The following ANKRD16 variants were observed in gnomAD, a reference collection of about 807,000 sequenced individuals.
The protein encoded by ANKRD16 is ankyrin repeat domain 16, also known as ankyrin repeat domain-containing protein 16.
ANKRD16 carries 35 observed loss-of-function variants against 37.9 expected under a neutral mutation model. That is an observed-to-expected ratio of 0.92 (90% confidence interval 0.71 to 1.23). The LOEUF (loss-of-function observed/expected upper bound fraction) is 1.23, where lower values mean the gene tolerates loss of function less well. Among genes scored for constraint, ANKRD16 ranks in the 50% most tolerant of loss-of-function variants. ANKRD16 has a pLI of 0.00. For synonymous variants in ANKRD16, 206 were observed against 197.2 expected (o/e 1.04, Z -0.37); for missense variants, 480 against 469.9 (o/e 1.02, Z -0.20).
chr10:5,877,074 G>A (rs532072647), intron 7 of ANKRD16, among the ~76,000 whole-genome samples: 1 of 152,056 alleles, frequency 6.6e-6, no homozygotes, highest in South Asian at 2.1e-4. Flanking sequence ...TTAAACTCAG[G>A]TTAACAGAAG....
intron 7 of ANKRD16, among the ~76,000 whole-genome samples, chr10:5,872,906 G>A (rs1260908307): frequency 6.6e-6 from 1 of 151,754 alleles, no homozygotes; most frequent in Admixed American, 6.6e-5. Context: ...TGTCACCCAG[G>A]CTGGAGTGCA....
rs887769577 is a variant in ANKRD16, at chr10:5,870,361, G to A, written c.*34-7670C>T. Among the ~76,000 whole-genome samples, 3 of 150,932 alleles carry A rather than the reference G, an allele frequency of 2.0e-5. No homozygotes were observed. Among genetic ancestry groups the A allele is most frequent in the Non-Finnish European group, 2.9e-5 (2 of 67,856 alleles). ...TTGGCTCTTGGCCTCTCTTCCCTGC[G>A]ACTCTGCCCGGGCACCAGCCAGTCC... On this transcript the variant is annotated intron_variant, in intron 7 of 7. Coordinates refer to ENST00000380094, the MANE Select transcript of ANKRD16 (RefSeq NM_019046.3). This position sits in a 1 kb window ranked among gnomAD's most constrained non-coding sequence, Gnocchi z 5.0.
At chr10:5,867,207 A>C (rs1206890435) in intron 7 of ANKRD16, among the ~76,000 whole-genome samples, 1 of 152,238 alleles carries the variant, frequency 6.6e-6, no homozygotes, top group Non-Finnish European at 1.5e-5. Flanking sequence ...AAAAATCCTT[A>C]ACCCAGCAGG....
chr10:5,863,074 C>T lies in ANKRD16; in HGVS notation c.*34-383G>A, dbSNP rs1240623084. On this transcript the variant is annotated intron_variant, in intron 7 of 7. Coordinates refer to ENST00000380094, the MANE Select transcript of ANKRD16 (RefSeq NM_019046.3). This position sits in a 1 kb window ranked among gnomAD's most constrained non-coding sequence, Gnocchi z 4.7. ...GGACCCTCAGCTGCTGCTATACAGC[C>T]AGTGATCCTGCCACGTCCCTGACTC... is the stretch of plus-strand genomic sequence containing the variant. Among the ~76,000 whole-genome samples, 2 of 152,088 alleles carry T rather than the reference C, an allele frequency of 1.3e-5. No homozygotes were observed. The highest frequency in any genetic ancestry group is 2.9e-5 in the Non-Finnish European group (2 of 68,030).
Position 5,889,489 on chromosome 10 carries a change from C to T in ANKRD16, c.-135G>A, listed in dbSNP as rs911225958. On this transcript the variant is annotated 5_prime_UTR_variant, in exon 1 of 8. Transcript: ENST00000380094. ...CCCGCGCGCCCCGAACCCGGCAGAA[C>T]CGCCCCTCACGCCCCCGGCTTTGTC... The T allele has an allele frequency of 7.6e-6, 4 of 528,428 alleles. No homozygotes were observed. Among genetic ancestry groups the T allele is most frequent in the Non-Finnish European group, 7.9e-6 (3 of 379,470 alleles). The allele number at this position is 528,428 out of a possible 1,614,324, so 32.7% of individuals were successfully genotyped here.
intron 4 of ANKRD16, among the ~76,000 whole-genome samples, 197 bp from the exon 5 acceptor site, chr10:5,883,364 A>C (rs1842352490): frequency 6.6e-6 from 1 of 152,196 alleles, no homozygotes; most frequent in Admixed American, 6.5e-5. Context: ...CTCAGGGTGG[A>C]GTGCAGTGGC....
Position 5,862,109 on chromosome 10 carries a change from T to C in ANKRD16, c.*616A>G, listed in dbSNP as rs1286796185. On this transcript the variant is annotated 3_prime_UTR_variant, in exon 8 of 8. Coordinates refer to ENST00000380094, the MANE Select transcript of ANKRD16 (RefSeq NM_019046.3). The surrounding 1 kb of genome is among the most constrained non-coding windows in gnomAD (Gnocchi z 6.5). ...AGTAAGAGACGGGGTTTCACCACGTTAGCCAGGATGGTCTCGATCTCCTGA... is the reference window on the plus strand; with the variant it reads ...AGTAAGAGACGGGGTTTCACCACGTCAGCCAGGATGGTCTCGATCTCCTGA... 5.7e-6 allele frequency: 1 copy of C among 174,414 alleles called. No homozygotes were observed. Among genetic ancestry groups the C allele is most frequent in the Non-Finnish European group, 1.2e-5 (1 of 81,310 alleles). The allele number at this position is 174,414 out of a possible 1,614,324, so 10.8% of individuals were successfully genotyped here. A position where few individuals can be genotyped will look rare whatever the true frequency, so the allele number is the denominator to read the frequency against.
intron 6 of ANKRD16, among the ~76,000 whole-genome samples, chr10:5,879,124 C>G (rs575650450): frequency 6.6e-6 from 1 of 152,282 alleles, no homozygotes; most frequent in South Asian, 2.1e-4. Context: ...AGAGCAGCTG[C>G]CCTTTCCAGC....
At position 5,878,223 on chromosome 10, in the gene ANKRD16, C is replaced by G; in HGVS notation, c.993G>C (p.Leu331=). The change falls in exon 7 of 8, where the codon CTG becomes CTC. Residue 331 remains leucine (L), a synonymous_variant. Transcript: ENST00000380094. This position sits in a 1 kb window ranked among gnomAD's most constrained non-coding sequence, Gnocchi z 5.1. The part of the protein sequence containing the change: ...ACAKFLLQSG[L]KDSEDITGTL... Reference sequence around the variant, plus strand: ...TGCCCGTGATGTCTTCAGAATCCTTCAGTCCCGACTGCAGGAGAAACTTGG... The same window carrying G: ...TGCCCGTGATGTCTTCAGAATCCTTGAGTCCCGACTGCAGGAGAAACTTGG... 6.2e-7 allele frequency: 1 copy of G among 1,614,188 alleles called. No individual in the cohort carries two copies. The highest frequency in any genetic ancestry group is 8.5e-7 in the Non-Finnish European group (1 of 1,180,030).
chr10:5,863,815 A>G lies in ANKRD16; in HGVS notation c.*34-1124T>C, dbSNP rs1341555371. On this transcript the variant is annotated intron_variant, in intron 7 of 7. Coordinates refer to ENST00000380094, the MANE Select transcript of ANKRD16 (RefSeq NM_019046.3). This position sits in a 1 kb window ranked among gnomAD's most constrained non-coding sequence, Gnocchi z 4.7. ...CTGGATGCACCATCTTTAAGACTGT[A>G]ACACTCACTGCGAGGTCCACGGCTT... Among the ~76,000 whole-genome samples, 1 of 152,176 alleles carries G rather than the reference A, an allele frequency of 6.6e-6. No homozygotes were observed. Among genetic ancestry groups the G allele is most frequent in the Non-Finnish European group, 1.5e-5 (1 of 68,038 alleles).
intron 6 of ANKRD16, among the ~76,000 whole-genome samples, chr10:5,879,378 G>A (rs1040220410): frequency 6.6e-6 from 1 of 151,746 alleles, no homozygotes; most frequent in Non-Finnish European, 1.5e-5. Context: ...GGAGGCAGAA[G>A]AATCGCTTGA....
rs1047732800 is a variant in ANKRD16, at chr10:5,870,351, T to G, written c.*34-7660A>C. 6.6e-6 allele frequency among the ~76,000 whole-genome samples: 1 copy of G among 151,160 alleles called. No individual in the cohort carries two copies. Among genetic ancestry groups the G allele is most frequent in the African/African-American group, 2.4e-5 (1 of 41,110 alleles). ...GAGGTCAGCGTTGGCTCTTGGCCTC[T>G]CTTCCCTGCGACTCTGCCCGGGCAC... On this transcript the variant is annotated intron_variant, in intron 7 of 7. Coordinates refer to ENST00000380094, the MANE Select transcript of ANKRD16 (RefSeq NM_019046.3). The surrounding 1 kb of genome is among the most constrained non-coding windows in gnomAD (Gnocchi z 5.0).
rs1841966157 is a variant in ANKRD16, at chr10:5,863,214, G to C, written c.*34-523C>G. 6.6e-6 allele frequency among the ~76,000 whole-genome samples: 1 copy of C among 152,044 alleles called. No individual in the cohort carries two copies. The highest frequency in any genetic ancestry group is 6.6e-5 in the Admixed American group (1 of 15,240). ...GGAAGGGGGAGCTGCTCTCAATTCAGATCAAGTTTCCCCTGTGCCAGAAGA... is the reference window on the plus strand; with the variant it reads ...GGAAGGGGGAGCTGCTCTCAATTCACATCAAGTTTCCCCTGTGCCAGAAGA... On this transcript the variant is annotated intron_variant, in intron 7 of 7. Coordinates refer to ENST00000380094, the MANE Select transcript of ANKRD16 (RefSeq NM_019046.3). This position sits in a 1 kb window ranked among gnomAD's most constrained non-coding sequence, Gnocchi z 4.7.
Position 5,878,184 on chromosome 10 carries a change from C to CT in ANKRD16, c.1031dup (p.Leu345AlafsTer14). ...GAAGGACATCTGCTCTCCTTGGGAG[C>CT]TGCTGAGCCAGGGTGCCCGTGATGT... is the stretch of plus-strand genomic sequence containing the variant. On this transcript the variant is annotated frameshift_variant, in exon 7 of 8. Transcript: ENST00000380094. LOFTEE classifies it high-confidence loss of function. The surrounding 1 kb of genome is among the most constrained non-coding windows in gnomAD (Gnocchi z 5.1). 2 of 1,614,210 alleles carry CT rather than the reference C, an allele frequency of 1.2e-6. No homozygotes were observed. The highest frequency in any genetic ancestry group is 1.7e-6 in the Non-Finnish European group (2 of 1,180,034).
Position 5,874,179 on chromosome 10 carries a change from G to A in ANKRD16, c.*33+3918C>T, listed in dbSNP as rs1300999498. Among the ~76,000 whole-genome samples the A allele has an allele frequency of 5.3e-5, 8 of 152,228 alleles. No individual in the cohort carries two copies. The highest frequency in any genetic ancestry group is 1.0e-4 in the Non-Finnish European group (7 of 68,046). On this transcript the variant is annotated intron_variant, in intron 7 of 7. Transcript: ENST00000380094. This position sits in a 1 kb window ranked among gnomAD's most constrained non-coding sequence, Gnocchi z 4.7. ...ACTGGGACTACAGGTGTAAGCCATCGTGCCTGGGCGAGACTTCTGCTTTGA... is the reference window on the plus strand; with the variant it reads ...ACTGGGACTACAGGTGTAAGCCATCATGCCTGGGCGAGACTTCTGCTTTGA...
rs371191207 is a variant in ANKRD16 at position 5,864,930 on chromosome 10, T to C, written c.*34-2239A>G. On this transcript the variant is annotated intron_variant, in intron 7 of 7. Transcript: ENST00000380094. The surrounding 1 kb of genome is among the most constrained non-coding windows in gnomAD (Gnocchi z 4.4). The stretch of plus-strand genomic sequence containing the variant: ...GTCGCCCGACTCACTCGAGGGTCAA[T>C]TGATCCTAAAAGGTAAGTTTATTAT... 2.4e-4 allele frequency among the ~76,000 whole-genome samples: 37 copies of C among 152,294 alleles called. No homozygotes were observed. The highest frequency in any genetic ancestry group is 2.0e-3 in the Admixed American group (30 of 15,290).
chr10:5,887,395 G>A (rs1168860131), intron 2 of ANKRD16, among the ~76,000 whole-genome samples: 1 of 133,448 alleles, frequency 7.5e-6, no homozygotes. Context: ...TTTTTGAGAT[G>A]GAGTTTTGCT....
rs1375557296 is a variant in ANKRD16 at position 5,869,634 on chromosome 10, G to C, written c.*34-6943C>G. ...CCCAGCTCCTGCTCAGCACCCTTCT[G>C]CTCAGCTTTCCCTCTTGAGGCTGGG... On this transcript the variant is annotated intron_variant, in intron 7 of 7. Transcript: ENST00000380094. This position sits in a 1 kb window ranked among gnomAD's most constrained non-coding sequence, Gnocchi z 4.0. 2.0e-5 allele frequency among the ~76,000 whole-genome samples: 3 copies of C among 152,068 alleles called. No homozygotes were observed. Among genetic ancestry groups the C allele is most frequent in the Non-Finnish European group, 4.4e-5 (3 of 68,010 alleles).
intron 2 of ANKRD16, 139 bp downstream of exon 2, chr10:5,887,708 C>CCCCCA: frequency 5.2e-6 from 1 of 193,390 alleles, no homozygotes; most frequent in South Asian, 9.6e-5. Context: ...CCCTCCCCCC[C>CCCCCA]AGATGTTCTT....
Sources: allele counts gnomAD v4.1 joint callset (sites outside exome capture counted in the v4.1 genomes callset), GRCh38; gene constraint gnomAD v4.1.1; non-coding constraint Gnocchi (gnomAD v3.1); transcripts MANE v1.5; gene names NCBI Gene and HGNC (gene_info 2026-07-23, HGNC 2026-07-21).